Variants in PCBP3 observed in about 807,000 individuals in gnomAD.
The protein encoded by PCBP3 is poly(rC)-binding protein 3.
Under a neutral mutation model 52.7 loss-of-function variants are expected in PCBP3, and 25 were observed. The observed-to-expected ratio is 0.47, with a 90% confidence interval of 0.35 to 0.66. The LOEUF (loss-of-function observed/expected upper bound fraction) is 0.66, where lower values mean the gene tolerates loss of function less well. Among genes scored for constraint, PCBP3 ranks in the 30% least tolerant of loss-of-function variants. The pLI is 0.01. For synonymous variants in PCBP3, 162 were observed against 183.0 expected, an observed-to-expected ratio of 0.89 and a Z score of 0.93; for missense variants, 391 against 490.3, an observed-to-expected ratio of 0.80 and a Z score of 1.91.
intron 4 of PCBP3, among the ~76,000 whole-genome samples, chr21:45,842,436 G>C (rs1201846809): frequency 2.6e-5 from 4 of 152,022 alleles, no homozygotes; most frequent in Non-Finnish European, 5.9e-5. Flanking sequence ...CTACTTATTT[G>C]TTCAGGCTTT....
At chr21:45,824,087 T>C (rs920263988) in intron 4 of PCBP3, among the ~76,000 whole-genome samples, 6 of 152,214 alleles carry the variant, frequency 3.9e-5, no homozygotes, top group African/African-American at 1.4e-4. Context: ...TAATGTGTCT[T>C]TAGTTGATTT....
intron 13 of PCBP3, chr21:45,919,620 C>T (rs2074108892): frequency 6.6e-6 from 1 of 152,214 alleles, no homozygotes; most frequent in South Asian, 2.1e-4. Context: ...CCCCAGAGGC[C>T]GTTTTTAGTG....
chr21:45,739,563 T>C (rs2086233462), intron 3 of PCBP3, among the ~76,000 whole-genome samples: 2 of 114,972 alleles, frequency 1.7e-5, no homozygotes, highest in African/African-American at 3.5e-5. Context: ...CAGCCCATCC[T>C]TCCTGTCCAT....
intron 4 of PCBP3, among the ~76,000 whole-genome samples, chr21:45,799,064 G>A (rs963606751): frequency 2.4e-4 from 37 of 151,190 alleles, no homozygotes; most frequent in Non-Finnish European, 4.9e-4. Context: ...GGGTGAATGC[G>A]TACATGGATG....
At chr21:45,861,530 C>T (rs1282788800) in intron 5 of PCBP3, among the ~76,000 whole-genome samples, 1 of 152,150 alleles carries the variant, frequency 6.6e-6, no homozygotes, top group Non-Finnish European at 1.5e-5. Context: ...ACAGGAACCC[C>T]ACACCGAGAG....
intron 4 of PCBP3, among the ~76,000 whole-genome samples, chr21:45,765,551 C>T (rs541185192): frequency 1.8e-4 from 28 of 152,322 alleles, no homozygotes; most frequent in African/African-American, 6.3e-4. Context: ...TGCCCCTCCC[C>T]GTGGGGCTCC....
chr21:45,670,963 A>G (rs1433685467), intron 2 of PCBP3, among the ~76,000 whole-genome samples: 1 of 152,166 alleles, frequency 6.6e-6, no homozygotes, highest in African/African-American at 2.4e-5. Context: ...GCTTCCTGTC[A>G]GTCCAGCTGG....
At chr21:45,806,265 T>C (rs897630653) in intron 4 of PCBP3, among the ~76,000 whole-genome samples, 14 of 152,102 alleles carry the variant, frequency 9.2e-5, no homozygotes, top group Non-Finnish European at 2.9e-5. Context: ...TTTGGCCAAG[T>C]GCATGCAGAG....
intron 2 of PCBP3, among the ~76,000 whole-genome samples, chr21:45,669,803 GTGTATATA>G (rs1426293158): frequency 4.1e-3 from 223 of 54,336 alleles, no homozygotes; most frequent in East Asian, 0.01. Flanking sequence ...GTGTGTGTGT[GTGTATATA>G]TATATATATA....
intron 1 of PCBP3, among the ~76,000 whole-genome samples, chr21:45,660,103 T>C (rs1274353445): frequency 6.6e-6 from 1 of 152,062 alleles, no homozygotes; most frequent in African/African-American, 2.4e-5. Context: ...CTTAATTTTT[T>C]GTTTCATGCA....
At chr21:45,878,635 C>G (rs938476958) in intron 5 of PCBP3, among the ~76,000 whole-genome samples, 1 of 152,214 alleles carries the variant, frequency 6.6e-6, no homozygotes, top group African/African-American at 2.4e-5. Context: ...CAGAACAGAA[C>G]AGACATTGGA....
At chr21:45,762,486 C>CTTTTTTTTTTTTTTTTTTTTTTTT (rs1401689005) in intron 4 of PCBP3, 1 of 95,258 alleles carries the variant, frequency 1.0e-5, no homozygotes, top group African/African-American at 3.3e-5. Context: ...CTTTTCTTTT[C>CTTTTTTTTTTTTTTTTTTTTTTTT]TTCTCTTTTT....
At chr21:45,856,804 TTC>T (rs1241677918) in intron 5 of PCBP3, among the ~76,000 whole-genome samples, 2 of 152,230 alleles carry the variant, frequency 1.3e-5, no homozygotes, top group African/African-American at 2.4e-5. Flanking sequence ...CCTGGTTTTA[TTC>T]ACTTTAGGGA....
In PCBP3 at chr21:45,853,494, C is replaced by T. The variant is rs1165492695; in HGVS notation, c.10+3399C>T. On this transcript the variant is annotated intron_variant, in intron 5 of 17. Transcript: ENST00000681687. The surrounding 1 kb of genome is among the most constrained non-coding windows in gnomAD (Gnocchi z 4.6). Reference sequence around the variant, plus strand: ...GCACAGTCCACAGGGTGGGAGCAGCCCGAGCAAGCAGCTCACGGGCCCCAG... The same window carrying T: ...GCACAGTCCACAGGGTGGGAGCAGCTCGAGCAAGCAGCTCACGGGCCCCAG... Among the ~76,000 whole-genome samples the T allele has an allele frequency of 6.6e-6, 1 of 152,182 alleles. No homozygotes were observed. Among genetic ancestry groups the T allele is most frequent in the East Asian group, 1.9e-4 (1 of 5,198 alleles).
chr21:45,883,732 G>A (rs764036410), intron 5 of PCBP3, among the ~76,000 whole-genome samples: 19 of 151,910 alleles, frequency 1.3e-4, no homozygotes, highest in Non-Finnish European at 2.2e-4. Flanking sequence ...TGCACGATAC[G>A]CCTTTTCCCA....
rs139234277 is a variant in PCBP3, at chr21:45,775,631, C to A, written c.-126+20179C>A. ...ATAAGGTCTTGCTATGTTGCCCAGA[C>A]TGGTCTTGAACTCCTGGCCTTAAGC... On this transcript the variant is annotated intron_variant, in intron 4 of 17. Coordinates refer to ENST00000681687, the MANE Select transcript of PCBP3 (RefSeq NM_001384156.1). Among the ~76,000 whole-genome samples the A allele has an allele frequency of 4.3e-3, 656 of 152,290 alleles. 1 individual carries two copies. Among genetic ancestry groups the A allele is most frequent in the Non-Finnish European group, 6.6e-3 (447 of 68,030 alleles).
At position 45,737,055 on chromosome 21, in the gene PCBP3, C is replaced by T. The variant is rs781639340; in HGVS notation, c.-162+1626C>T. Among the ~76,000 whole-genome samples the T allele has an allele frequency of 1.3e-5, 2 of 151,996 alleles. No homozygotes were observed. The highest frequency in any genetic ancestry group is 2.4e-5 in the African/African-American group (1 of 41,360). On this transcript the variant is annotated intron_variant, in intron 3 of 17. Coordinates refer to ENST00000681687, the MANE Select transcript of PCBP3 (RefSeq NM_001384156.1). This position sits in a 1 kb window ranked among gnomAD's most constrained non-coding sequence, Gnocchi z 4.9. Reference sequence around the variant, plus strand: ...GCCAAGGGGGTTTGGAGCAGAAGCTCGGGTCTGACATGCCTGGTGCATCCA... The same window carrying T: ...GCCAAGGGGGTTTGGAGCAGAAGCTTGGGTCTGACATGCCTGGTGCATCCA...
rs761527846 is a variant in PCBP3 at position 45,941,003 on chromosome 21, T to C, written c.1080-667T>C. The stretch of plus-strand genomic sequence containing the variant: ...AGCCCTGCGTGGGCCCTGGAACCCC[T>C]GTCCCGGTGACCCTTCTCTTACCTG... On this transcript the variant is annotated intron_variant, in intron 17 of 17. Transcript: ENST00000681687. Among the ~76,000 whole-genome samples, 102 of 152,148 alleles carry C rather than the reference T, an allele frequency of 6.7e-4. 1 individual carries two copies. The highest frequency in any genetic ancestry group is 1.4e-3 in the Non-Finnish European group (92 of 68,020).
intron 4 of PCBP3, among the ~76,000 whole-genome samples, chr21:45,826,636 G>A (rs1317654389): frequency 6.6e-6 from 1 of 152,084 alleles, no homozygotes; most frequent in Non-Finnish European, 1.5e-5. Context: ...TGAAAGGTGG[G>A]AAGAAGAAGG....
Sources: allele counts gnomAD v4.1 joint callset (sites outside exome capture counted in the v4.1 genomes callset), GRCh38; gene constraint gnomAD v4.1.1; non-coding constraint Gnocchi (gnomAD v3.1); transcripts MANE v1.5; gene names NCBI Gene and HGNC (gene_info 2026-07-23, HGNC 2026-07-21).